The following CCDC73 variants were observed in gnomAD, a reference collection of about 807,000 sequenced individuals.
CCDC73 encodes coiled-coil domain-containing protein 73.
A neutral mutation model predicts 116.5 loss-of-function variants in CCDC73; 95 were observed. That is an observed-to-expected ratio of 0.82 (90% CI 0.69 to 0.97). The LOEUF (loss-of-function observed/expected upper bound fraction) is 0.97. Ranked by LOEUF, CCDC73 falls within the 50% of genes least tolerant of loss-of-function variation. The pLI, the probability that CCDC73 is intolerant of heterozygous loss-of-function variation, is 0.00. For synonymous variants in CCDC73, 398 were observed against 401.3 expected (o/e 0.99, Z 0.10); for missense variants, 1,066 against 1,206.8 (o/e 0.88, Z 1.73).
intron 1 of CCDC73, among the ~76,000 whole-genome samples, chr11:32,773,852 G>C (rs1054396677): frequency 6.6e-6 from 1 of 151,972 alleles, no homozygotes; most frequent in Non-Finnish European, 1.5e-5. Flanking sequence ...GGGTGATCAG[G>C]TAACAAAACA....
chr11:32,753,592 G>C (rs1386916284), intron 2 of CCDC73, among the ~76,000 whole-genome samples: 1 of 152,074 alleles, frequency 6.6e-6, no homozygotes, highest in East Asian at 1.9e-4. Flanking sequence ...AGCCTCCCGA[G>C]TAGCTGGGAT....
chr11:32,802,103 T>G, the CCDC73 span, among the ~76,000 whole-genome samples: 3 of 152,316 alleles, frequency 2.0e-5, no homozygotes, highest in Admixed American at 1.3e-4. Flanking sequence ...ATAGCCAAAT[T>G]TCAGTCACAG....
At chr11:32,634,904 T>C (rs1037903135) in intron 14 of CCDC73, among the ~76,000 whole-genome samples, 12 of 152,320 alleles carry the variant, frequency 7.9e-5, no homozygotes, top group African/African-American at 2.2e-4. Context: ...GGAGCATCAC[T>C]TGAGCCCAGG....
At chr11:32,820,696 CAG>C in the CCDC73 span, among the ~76,000 whole-genome samples, 6 of 152,146 alleles carry the variant, frequency 3.9e-5, no homozygotes, top group African/African-American at 7.2e-5. Context: ...CAGTAGTGAA[CAG>C]AGAGTGCCCT....
At chr11:32,626,843 A>T (rs1477498730) in intron 14 of CCDC73, among the ~76,000 whole-genome samples, 1 of 152,246 alleles carries the variant, frequency 6.6e-6, no homozygotes, top group East Asian at 1.9e-4. Flanking sequence ...TTAAAGACTT[A>T]CATGTTAGAC....
At chr11:32,655,471 A>G (rs1028685940) in intron 9 of CCDC73, among the ~76,000 whole-genome samples, 5 of 152,250 alleles carry the variant, frequency 3.3e-5, no homozygotes, top group African/African-American at 7.2e-5. Flanking sequence ...CAATTTGCAA[A>G]GAAGACAACA....
intron 6 of CCDC73, among the ~76,000 whole-genome samples, chr11:32,687,210 G>A (rs1479919540): frequency 6.6e-6 from 1 of 152,182 alleles, no homozygotes; most frequent in African/African-American, 2.4e-5. Context: ...GGTATGTGAG[G>A]AAGTGGTGAG....
chr11:32,703,042 T>A, intron 3 of CCDC73, 98 bp from the exon 4 acceptor site: 1 of 801,558 alleles, frequency 1.2e-6, no homozygotes, highest in Non-Finnish European at 2.2e-6. Flanking sequence ...CAACCATACC[T>A]TCTACATATA....
At chr11:32,789,200 A>G (rs185664132) in intron 1 of CCDC73, among the ~76,000 whole-genome samples, 462 of 152,116 alleles carry the variant, frequency 3.0e-3, no homozygotes, top group Admixed American at 6.3e-3. Context: ...CCTTAGGGGG[A>G]AAAAAAGGGA....
intron 2 of CCDC73, among the ~76,000 whole-genome samples, chr11:32,736,621 G>C (rs1215428081): frequency 6.6e-6 from 1 of 151,902 alleles, no homozygotes; most frequent in Admixed American, 6.6e-5. Flanking sequence ...CAAGGATCTA[G>C]AACTAGAAAT....
Position 32,718,116 on chromosome 11 carries a change from C to T in CCDC73, c.167G>A (p.Gly56Asp), listed in dbSNP as rs757851442. The T allele has an allele frequency of 3.7e-6, 6 of 1,607,552 alleles. No individual in the cohort carries two copies. In the East Asian group the frequency reaches 1.3e-4, roughly 36 times the overall value. Residue 56 changes from glycine (G) to aspartate (D), a missense_variant, in exon 3 of 18, where the codon GGT becomes GAT. Gly to Asp is a moderately conservative substitution (Grantham distance 94, BLOSUM62 -1). Coordinates refer to ENST00000335185, the MANE Select transcript of CCDC73 (RefSeq NM_001008391.4). ...TTCCTGTGTCTCCACAATAATTTTA[C>T]CAATCTGCTCTTCATAATGAATTTC... is the stretch of plus-strand genomic sequence containing the variant. ...EAEIHYEEQIGKIIVETQELK... is the reference protein window; with the variant it reads ...EAEIHYEEQIDKIIVETQELK...
At chr11:32,629,155 A>G (rs1855604661) in intron 14 of CCDC73, among the ~76,000 whole-genome samples, 1 of 152,234 alleles carries the variant, frequency 6.6e-6, no homozygotes, top group Admixed American at 6.5e-5. Context: ...AATATGCAGT[A>G]GATCCTCAGT....
At chr11:32,816,023 G>A in the CCDC73 span, among the ~76,000 whole-genome samples, 9 of 152,246 alleles carry the variant, frequency 5.9e-5, no homozygotes, top group Admixed American at 5.9e-4. Context: ...TGTGAAAGAA[G>A]GAAAGAACCA....
intron 2 of CCDC73, among the ~76,000 whole-genome samples, chr11:32,746,248 T>C (rs1281743201): frequency 6.6e-6 from 1 of 152,226 alleles, no homozygotes; most frequent in Non-Finnish European, 1.5e-5. Flanking sequence ...ATGTTGAATA[T>C]TTGCCCCCAC....
intron 2 of CCDC73, among the ~76,000 whole-genome samples, chr11:32,748,428 T>G (rs1056136113): frequency 5.3e-5 from 8 of 152,192 alleles, no homozygotes; most frequent in African/African-American, 1.9e-4. Flanking sequence ...AAAAGAAAAC[T>G]TATAAAAACT....
chr11:32,689,617 C>A (rs1856235740), intron 6 of CCDC73, among the ~76,000 whole-genome samples: 1 of 151,842 alleles, frequency 6.6e-6, no homozygotes, highest in Non-Finnish European at 1.5e-5. Flanking sequence ...CCAAATAGAA[C>A]ATCTATAAAA....
intron 4 of CCDC73, among the ~76,000 whole-genome samples, chr11:32,702,317 C>T (rs1166604649): frequency 6.6e-6 from 1 of 152,094 alleles, no homozygotes; most frequent in East Asian, 1.9e-4. Flanking sequence ...TCAAGAAAAG[C>T]TACAGAATTG....
At chr11:32,829,910 A>G in the CCDC73 span, 1 of 985,550 alleles carries the variant, frequency 1.0e-6, no homozygotes, top group South Asian at 4.7e-5. Flanking sequence ...GTCCCCAGGT[A>G]GCCGCCTCCT....
intron 2 of CCDC73, among the ~76,000 whole-genome samples, chr11:32,739,677 T>C (rs1433188084): frequency 6.6e-6 from 1 of 152,198 alleles, no homozygotes; most frequent in African/African-American, 2.4e-5. Flanking sequence ...CCAATTTGGA[T>C]GCCCTTTATT....
Sources: allele counts gnomAD v4.1 joint callset (sites outside exome capture counted in the v4.1 genomes callset), GRCh38; gene constraint gnomAD v4.1.1; transcripts MANE v1.5; gene names NCBI Gene and HGNC (gene_info 2026-07-23, HGNC 2026-07-21).